The following SLC5A8 variants were observed in gnomAD, a reference collection of about 807,000 sequenced individuals.
The protein encoded by SLC5A8 is solute carrier family 5 member 8, also known as sodium-coupled monocarboxylate transporter 1.
In SLC5A8, 55 loss-of-function variants were observed where a neutral mutation model predicts 71.9. That is an observed-to-expected ratio of 0.77 (90% confidence interval 0.62 to 0.96). SLC5A8 has a LOEUF of 0.96. SLC5A8 is among the 40% of genes least tolerant of loss of function. The pLI, the probability that SLC5A8 is intolerant of heterozygous loss-of-function variation, is 0.00. For missense variants in SLC5A8, 701 were observed against 745.3 expected (o/e 0.94, Z 0.69); for synonymous variants, 307 against 276.1 (o/e 1.11, Z -1.11).
rs148615906 is a variant in SLC5A8 at position 101,178,400 on chromosome 12, C to T, written c.1233+1629G>A. Among the ~76,000 whole-genome samples, 85 of 152,200 alleles carry T rather than the reference C, an allele frequency of 5.6e-4. No homozygotes were observed. The East Asian group carries it at 0.016, about 29-fold the overall frequency. ...GGAATCGATCGACCTGATCTTGAAA[C>T]TTATTTTAAAGCTGCAGTAATCAAA... On this transcript the variant is annotated intron_variant, in intron 10 of 14. Coordinates refer to ENST00000536262, the MANE Select transcript of SLC5A8 (RefSeq NM_145913.5).
chr12:101,208,099 T>TA lies in SLC5A8; in HGVS notation c.351+1398dup, dbSNP rs367965130. Among the ~76,000 whole-genome samples, 1,364 of 143,526 alleles carry TA rather than the reference T, an allele frequency of 9.5e-3. 14 individuals are homozygous for TA. The highest frequency in any genetic ancestry group is 0.023 in the African/African-American group (888 of 39,172). The allele number at this position is 143,526 out of a possible 152,430, so 94.2% of individuals were successfully genotyped here. ...TATTTCTTCTCACTATAAGGAGAAG[T>TA]AAAAAAAAAAAATGACTGAGAAGTG... On this transcript the variant is annotated intron_variant, in intron 1 of 14. Transcript: ENST00000536262.
chr12:101,193,540 T>G (rs1869017722), intron 5 of SLC5A8, 85 bp downstream of exon 5: 6 of 1,464,910 alleles, frequency 4.1e-6, no homozygotes, highest in Non-Finnish European at 5.5e-6. Context: ...GCTTGTTTTT[T>G]AATGTAAATC....
intron 10 of SLC5A8, among the ~76,000 whole-genome samples, chr12:101,176,584 T>A (rs556851684): frequency 5.4e-4 from 82 of 151,880 alleles, no homozygotes; most frequent in Non-Finnish European, 9.4e-4. Context: ...TCATAAAGAG[T>A]GTGTTCTCTG....
chr12:101,193,909 C>G (rs1028705821), intron 4 of SLC5A8, 130 bp from the exon 5 acceptor site: 5 of 893,768 alleles, frequency 5.6e-6, no homozygotes, highest in Non-Finnish European at 8.3e-6. Context: ...TCAAGGGAAA[C>G]AGTCAGGTTG....
intron 3 of SLC5A8, among the ~76,000 whole-genome samples, chr12:101,195,695 CTTT>C (rs11338261): frequency 0.016 from 1,605 of 97,404 alleles, 15 homozygotes; most frequent in Non-Finnish European, 0.023. Flanking sequence ...ATGGTAATTC[CTTT>C]TTTTTTTTTT....
At chr12:101,200,532 T>C (rs538473834) in intron 3 of SLC5A8, among the ~76,000 whole-genome samples, 2 of 152,202 alleles carry the variant, frequency 1.3e-5, no homozygotes, top group Non-Finnish European at 2.9e-5. Flanking sequence ...TAAGCTTATT[T>C]GGATCCTGAT....
At chr12:101,161,705 C>T (rs537716321) in intron 13 of SLC5A8, among the ~76,000 whole-genome samples, 13 of 152,200 alleles carry the variant, frequency 8.5e-5, no homozygotes, top group Non-Finnish European at 1.6e-4. Context: ...TTATTGTCCT[C>T]ATTTTATACA....
chr12:101,164,053 G>T (rs11110690), intron 12 of SLC5A8, among the ~76,000 whole-genome samples: 4,926 of 152,218 alleles, frequency 0.032, 218 homozygotes, highest in African/African-American at 0.11. Flanking sequence ...TTGCAGGGTA[G>T]ACAAGGATTT....
At chr12:101,172,178 C>T (rs1019909489) in intron 10 of SLC5A8, among the ~76,000 whole-genome samples, 1 of 151,796 alleles carries the variant, frequency 6.6e-6, no homozygotes, top group Non-Finnish European at 1.5e-5. Context: ...CCAAGTGTCT[C>T]TAGGAGGCAC....
At chr12:101,209,470 C>T in intron 1 of SLC5A8, 28 bp downstream of exon 1, 1 of 1,527,042 alleles carries the variant, frequency 6.5e-7, no homozygotes, top group Non-Finnish European at 8.8e-7. Flanking sequence ...CCGCGCCCTG[C>T]ATGGTCCCAG....
At chr12:101,183,534 C>A (rs553883110) in intron 8 of SLC5A8, among the ~76,000 whole-genome samples, 76 of 152,128 alleles carry the variant, frequency 5.0e-4, no homozygotes, top group Non-Finnish European at 9.3e-4. Flanking sequence ...CTATGCATAA[C>A]AACTTTAAAA....
rs371819489 is a variant in SLC5A8 at position 101,202,206 on chromosome 12, T to C, written c.427A>G (p.Thr143Ala). Reference sequence around the variant, plus strand: ...GCAGGGGCATAAATAACAATTCCAGTATACAGAATCTAGGGGGGAGAAAGA... The same window carrying C: ...GCAGGGGCATAAATAACAATTCCAGCATACAGAATCTAGGGGGGAGAAAGA... ...VLFIVQTILY[T>A]GIVIYAPALA... is the part of the protein sequence containing the mutation. Residue 143 changes from threonine (T) to alanine (A), a missense_variant, in exon 3 of 15, where the codon ACT becomes GCT. Physicochemically the swap from Thr to Ala is moderately conservative, Grantham distance 58. Coordinates refer to ENST00000536262, the MANE Select transcript of SLC5A8 (RefSeq NM_145913.5). 22 of 1,600,878 alleles carry C rather than the reference T, an allele frequency of 1.4e-5. No individual in the cohort carries two copies. Among genetic ancestry groups the C allele is most frequent in the Non-Finnish European group, 1.9e-5 (22 of 1,174,634 alleles).
At chr12:101,200,173 C>G (rs979396776) in intron 3 of SLC5A8, among the ~76,000 whole-genome samples, 1 of 150,878 alleles carries the variant, frequency 6.6e-6, no homozygotes, top group Non-Finnish European at 1.5e-5. Flanking sequence ...AATCTAACAA[C>G]AGGGAAAACT....
At chr12:101,204,605 C>T (rs765898529) in intron 1 of SLC5A8, 40 bp from the exon 2 acceptor site, 1 of 1,431,722 alleles carries the variant, frequency 7.0e-7, no homozygotes, top group Non-Finnish European at 9.5e-7. Context: ...CTCTGGATGC[C>T]TTTTTTAAAA....
intron 14 of SLC5A8, 26 bp from the exon 15 acceptor site, chr12:101,157,427 T>C (rs906237350): frequency 1.3e-6 from 2 of 1,552,996 alleles, no homozygotes; most frequent in Non-Finnish European, 1.7e-6. Context: ...AACATGGTGA[T>C]TAGGGGGAGA....
chr12:101,158,590 CTCTCTCTCTATATATATATA>C (rs1290943432), intron 13 of SLC5A8, among the ~76,000 whole-genome samples: 345 of 31,480 alleles, frequency 0.011, 2 homozygotes, highest in Middle Eastern at 0.018. Flanking sequence ...CTCTCTCTCT[CTCTCTCTCTATATATATATA>C]TATATATATA....
chr12:101,179,459 T>C (rs757200109), intron 10 of SLC5A8, among the ~76,000 whole-genome samples: 7 of 152,208 alleles, frequency 4.6e-5, no homozygotes, highest in Non-Finnish European at 8.8e-5. Context: ...GAATACTATC[T>C]GATAATAAAA....
chr12:101,173,398 G>A (rs1168681032), intron 10 of SLC5A8, among the ~76,000 whole-genome samples: 1 of 152,214 alleles, frequency 6.6e-6, no homozygotes, highest in African/African-American at 2.4e-5. Context: ...TGTGGAGGTG[G>A]CAGCAGCTTT....
chr12:101,208,703 G>A (rs138842444), intron 1 of SLC5A8, among the ~76,000 whole-genome samples: 2 of 152,244 alleles, frequency 1.3e-5, no homozygotes, highest in Non-Finnish European at 2.9e-5. Context: ...TGAGAACCTT[G>A]CTGCCTAATT....
Sources: gnomAD v4.1 joint callset for allele counts (sites outside exome capture counted in the v4.1 genomes callset) on GRCh38, gnomAD v4.1.1 for gene constraint, MANE v1.5 for transcripts, NCBI Gene and HGNC (gene_info 2026-07-23, HGNC 2026-07-21) for gene names.